The following NLGN1 variants were observed in gnomAD, a reference collection of about 807,000 sequenced individuals.
The protein encoded by NLGN1 is neuroligin 1.
NLGN1 carries 12 observed loss-of-function variants against 65.5 expected under a neutral mutation model. The ratio of observed to expected loss-of-function variants is 0.18; its 90% CI spans 0.12 to 0.30. The LOEUF is 0.30. Among genes scored for constraint, NLGN1 ranks in the 10% least tolerant of loss-of-function variants. NLGN1 has a pLI of 1.00. For synonymous variants in NLGN1, 350 were observed against 359.5 expected (o/e 0.97, Z 0.30); for missense variants, 750 against 1,007.1 (o/e 0.74, Z 3.46).
chr3:174,289,953 GTGTATA>G (rs1213361157), downstream of NLGN1, among the ~76,000 whole-genome samples: 5 of 89,858 alleles, frequency 5.6e-5, no homozygotes, highest in Admixed American at 1.0e-4. Context: ...GTATATATAT[GTGTATA>G]TATATATATG....
chr3:173,800,075 A>G (rs531706838), intron 3 of NLGN1, among the ~76,000 whole-genome samples: 4 of 147,352 alleles, frequency 2.7e-5, no homozygotes, highest in African/African-American at 1.0e-4. Flanking sequence ...TTTATGCTGG[A>G]TATATTTACA....
At chr3:173,582,811 T>C (rs955889345) in intron 2 of NLGN1, among the ~76,000 whole-genome samples, 1 of 152,166 alleles carries the variant, frequency 6.6e-6, no homozygotes, top group African/African-American at 2.4e-5. Flanking sequence ...TTTTTTATGT[T>C]GTTTAGTAAA....
chr3:173,952,377 A>G (rs1438453575), intron 4 of NLGN1, among the ~76,000 whole-genome samples: 1 of 152,180 alleles, frequency 6.6e-6, no homozygotes, highest in Non-Finnish European at 1.5e-5. Context: ...TGTACACAAG[A>G]GGTGAGACAA....
At chr3:173,775,172 A>T (rs905419281) in intron 3 of NLGN1, among the ~76,000 whole-genome samples, 10 of 152,178 alleles carry the variant, frequency 6.6e-5, no homozygotes, top group Non-Finnish European at 1.3e-4. Context: ...TACTGGATTT[A>T]CTAAATCTGC....
intron 3 of NLGN1, among the ~76,000 whole-genome samples, chr3:173,773,929 G>A (rs1371524237): frequency 1.3e-5 from 2 of 152,156 alleles, no homozygotes; most frequent in African/African-American, 2.4e-5. Context: ...AGTTAATCAT[G>A]TGAGGAGCAG....
At chr3:173,919,297 A>G (rs1033267964) in intron 4 of NLGN1, among the ~76,000 whole-genome samples, 4 of 152,240 alleles carry the variant, frequency 2.6e-5, no homozygotes, top group East Asian at 3.8e-4. Context: ...CCTTGAGGAC[A>G]TAAAGGACAT....
intron 4 of NLGN1, among the ~76,000 whole-genome samples, chr3:173,858,459 C>A (rs976029396): frequency 2.6e-5 from 4 of 151,894 alleles, no homozygotes; most frequent in African/African-American, 9.7e-5. Context: ...AGTAATCAAG[C>A]CTATGTAGGT....
chr3:173,704,224 A>C (rs142707216), intron 3 of NLGN1, among the ~76,000 whole-genome samples: 16 of 152,308 alleles, frequency 1.1e-4, no homozygotes, highest in African/African-American at 3.8e-4. Context: ...GTGTGTCCTA[A>C]TGTCTGACAC....
chr3:173,737,892 A>T (rs1257897381), intron 3 of NLGN1, among the ~76,000 whole-genome samples: 1 of 151,962 alleles, frequency 6.6e-6, no homozygotes, highest in Non-Finnish European at 1.5e-5. Context: ...GAGGATTCCA[A>T]CTTCTCTGCA....
At chr3:173,429,276 A>G (rs1716750736) in intron 1 of NLGN1, among the ~76,000 whole-genome samples, 1 of 152,154 alleles carries the variant, frequency 6.6e-6, no homozygotes, top group Non-Finnish European at 1.5e-5. Context: ...TTTGCTGGCA[A>G]TAACCTCTAA....
chr3:174,120,314 CATCTCTACTATAAAT>C (rs1443561047), intron 4 of NLGN1, among the ~76,000 whole-genome samples: 1 of 151,680 alleles, frequency 6.6e-6, no homozygotes, highest in African/African-American at 2.4e-5. Flanking sequence ...GGCAAAGCCC[CATCTCTACTATAAAT>C]ATCTCTACTA....
At chr3:173,666,242 C>T (rs928345635) in intron 3 of NLGN1, among the ~76,000 whole-genome samples, 2 of 152,076 alleles carry the variant, frequency 1.3e-5, no homozygotes, top group Admixed American at 6.5e-5. Context: ...ATGACACTAT[C>T]AGCTTTTCCC....
intron 3 of NLGN1, among the ~76,000 whole-genome samples, chr3:173,754,902 A>G (rs955887839): frequency 9.9e-5 from 15 of 152,218 alleles, no homozygotes; most frequent in African/African-American, 3.1e-4. Context: ...TTATACAACA[A>G]TTCCAGTATT....
At chr3:174,172,264 C>T (rs1728688397) in intron 4 of NLGN1, among the ~76,000 whole-genome samples, 1 of 152,068 alleles carries the variant, frequency 6.6e-6, no homozygotes, top group Non-Finnish European at 1.5e-5. Context: ...GGGTATCCAT[C>T]ACTTCAAGCA....
At chr3:174,252,654 C>A (rs1013460079) in intron 4 of NLGN1, among the ~76,000 whole-genome samples, 1 of 152,110 alleles carries the variant, frequency 6.6e-6, no homozygotes, top group African/African-American at 2.4e-5. Context: ...GCTCTTCCAG[C>A]CCTAATATTT....
At chr3:173,981,484 A>G (rs1212161059) in intron 4 of NLGN1, among the ~76,000 whole-genome samples, 1 of 152,130 alleles carries the variant, frequency 6.6e-6, no homozygotes, top group Non-Finnish European at 1.5e-5. Context: ...GGTATCACTG[A>G]TGTAACACGT....
intron 4 of NLGN1, among the ~76,000 whole-genome samples, chr3:173,957,590 T>A (rs9879223): frequency 0.064 from 9,702 of 152,230 alleles, 666 homozygotes; most frequent in African/African-American, 0.18. Flanking sequence ...AGCTAAACAA[T>A]CATTTCGAGA....
intron 3 of NLGN1, among the ~76,000 whole-genome samples, chr3:173,763,997 G>A (rs1778388017): frequency 6.6e-6 from 1 of 152,092 alleles, no homozygotes. Context: ...AATATCTGAA[G>A]CATTGCATTG....
At chr3:173,820,481 A>G (rs1046044379) in intron 4 of NLGN1, among the ~76,000 whole-genome samples, 3 of 152,130 alleles carry the variant, frequency 2.0e-5, no homozygotes, top group African/African-American at 7.2e-5. Context: ...ATCCCCCCTT[A>G]TCCACAAGGG....
Sources: gnomAD v4.1 joint callset for allele counts (sites outside exome capture counted in the v4.1 genomes callset) on GRCh38, gnomAD v4.1.1 for gene constraint, MANE v1.5 for transcripts, NCBI Gene and HGNC (gene_info 2026-07-23, HGNC 2026-07-21) for gene names.